Variants in PDYN observed in about 807,000 individuals in gnomAD.
PDYN encodes proenkephalin-B.
Under a neutral mutation model 11.4 loss-of-function variants are expected in PDYN, and 5 were observed. The observed-to-expected ratio is 0.44, with a 90% confidence interval of 0.23 to 0.92. PDYN has a LOEUF of 0.92. Ranked by LOEUF, PDYN falls within the 40% of genes least tolerant of loss-of-function variation. The pLI, the probability that PDYN is intolerant of heterozygous loss-of-function variation, is 0.24. For synonymous variants in PDYN, 132 were observed against 129.5 expected, an observed-to-expected ratio of 1.02 and a Z score of -0.13; for missense variants, 337 against 317.3, an observed-to-expected ratio of 1.06 and a Z score of -0.47.
intron 2 of PDYN, among the ~76,000 whole-genome samples, chr20:1,986,856 A>G (rs1479884028): frequency 6.6e-6 from 1 of 152,232 alleles, no homozygotes; most frequent in African/African-American, 2.4e-5. Flanking sequence ...TGACAGGAAC[A>G]TCTTTCTCAA....
In PDYN at chr20:1,978,994, AT is replaced by A. The variant is rs1171150012; in HGVS notation, c.*1328del. 1 of 152,198 alleles carries A rather than the reference AT, an allele frequency of 6.6e-6. No individual in the cohort carries two copies. The highest frequency in any genetic ancestry group is 1.5e-5 in the Non-Finnish European group (1 of 68,040). 9.4% of individuals were successfully genotyped at this position (152,198 alleles called of 1,614,324 possible). A position where few individuals can be genotyped will look rare whatever the true frequency, so the allele number is the denominator to read the frequency against. ...CCAGACTCAAGCCTTTTCCTCTCCTATCCAGCCTCATCTCCTGGACCCACAA... is the reference window on the plus strand; with the variant it reads ...CCAGACTCAAGCCTTTTCCTCTCCTACCAGCCTCATCTCCTGGACCCACAA... On this transcript the variant is annotated 3_prime_UTR_variant, in exon 4 of 4. Transcript: ENST00000217305.
rs185551108 is a variant in PDYN, at chr20:1,980,372, C to T, written c.716G>A (p.Arg239Gln). 228 of 1,614,074 alleles carry T rather than the reference C, an allele frequency of 1.4e-4. No homozygotes were observed. The Admixed American group carries it at 2.4e-3, about 17-fold the overall frequency. Residue 239 changes from arginine to glutamine, a missense_variant, in exon 4 of 4, where the codon CGG becomes CAG. Arg to Gln is a conservative substitution (Grantham distance 43). Coordinates refer to ENST00000217305, the MANE Select transcript of PDYN (RefSeq NM_024411.5). ...FLRRQFKVVTRSQEDPNAYSG... is the reference protein window; with the variant it reads ...FLRRQFKVVTQSQEDPNAYSG... ...GTAAGCATTCGGATCTTCCTGAGAC[C>T]GAGTCACCACCTTGAACTGGCGCCG...
At chr20:1,981,700 C>T (rs767271922) in intron 3 of PDYN, among the ~76,000 whole-genome samples, 6 of 152,078 alleles carry the variant, frequency 3.9e-5, no homozygotes, top group African/African-American at 1.4e-4. Context: ...CCAAAGCTGG[C>T]GGATCACTTG....
chr20:1,984,985 G>A (rs1037569530), intron 2 of PDYN, among the ~76,000 whole-genome samples: 40 of 152,082 alleles, frequency 2.6e-4, no homozygotes, highest in Admixed American at 5.2e-4. Flanking sequence ...TTATGGGGGC[G>A]CAGTACAGTT....
chr20:1,982,399 T>C (rs1404893393), intron 3 of PDYN, among the ~76,000 whole-genome samples: 5 of 152,178 alleles, frequency 3.3e-5, no homozygotes, highest in African/African-American at 9.7e-5. Context: ...CTGTGTTCTG[T>C]CCCTATGCCC....
intron 2 of PDYN, among the ~76,000 whole-genome samples, chr20:1,984,239 GTATTTT>G (rs1247530563): frequency 6.6e-6 from 1 of 152,200 alleles, no homozygotes; most frequent in South Asian, 2.1e-4. Context: ...TCTGCCTGCA[GTATTTT>G]GACCTCAGAC....
intron 2 of PDYN, among the ~76,000 whole-genome samples, chr20:1,988,486 A>AGT: frequency 6.6e-6 from 1 of 152,188 alleles, no homozygotes; most frequent in South Asian, 2.1e-4. Context: ...CACATAAGAG[A>AGT]GAGCCCTGCC....
intron 2 of PDYN, among the ~76,000 whole-genome samples, chr20:1,988,850 C>T (rs1988308810): frequency 6.6e-6 from 1 of 152,190 alleles, no homozygotes; most frequent in Admixed American, 6.5e-5. Context: ...TGAGCCAATT[C>T]CTTACGTCAA....
intron 2 of PDYN, among the ~76,000 whole-genome samples, chr20:1,984,328 A>C (rs1446594021): frequency 6.6e-6 from 1 of 152,082 alleles, no homozygotes; most frequent in Non-Finnish European, 1.5e-5. Flanking sequence ...ACTGATCACT[A>C]TGTCTAATGA....
At chr20:1,986,706 A>C (rs1433985559) in intron 2 of PDYN, among the ~76,000 whole-genome samples, 1 of 152,238 alleles carries the variant, frequency 6.6e-6, no homozygotes, top group African/African-American at 2.4e-5. Context: ...AGTCTGTCCA[A>C]GCTATCCCAG....
intron 2 of PDYN, among the ~76,000 whole-genome samples, chr20:1,989,051 G>A (rs2235750): frequency 0.02 from 2,997 of 152,314 alleles, 159 homozygotes; most frequent in East Asian, 0.19. Context: ...GTCCTTTACA[G>A]ACAAGGTTTG....
intron 2 of PDYN, among the ~76,000 whole-genome samples, chr20:1,985,580 A>C (rs1988133488): frequency 1.3e-5 from 2 of 152,156 alleles, no homozygotes; most frequent in Non-Finnish European, 2.9e-5. Context: ...GGTGGGTATC[A>C]CTAGCCCCAC....
chr20:1,992,191 A>T (rs1206513966), intron 2 of PDYN, among the ~76,000 whole-genome samples: 2 of 152,122 alleles, frequency 1.3e-5, no homozygotes, highest in African/African-American at 4.8e-5. Context: ...TCAGAGAGGG[A>T]CTTCTACTGT....
intron 3 of PDYN, 69 bp from the exon 4 acceptor site, chr20:1,981,027 C>G: frequency 6.3e-7 from 1 of 1,583,806 alleles, no homozygotes; most frequent in Non-Finnish European, 8.6e-7. Context: ...CCCCAGGCTC[C>G]CCTGTCCAGT....
At chr20:1,986,591 C>A (rs1057385439) in intron 2 of PDYN, among the ~76,000 whole-genome samples, 1 of 152,192 alleles carries the variant, frequency 6.6e-6, no homozygotes, top group Non-Finnish European at 1.5e-5. Flanking sequence ...GTGCTCAGAA[C>A]TCTGTGTGTC....
chr20:1,983,266 G>A (rs1319877212), intron 2 of PDYN, among the ~76,000 whole-genome samples, 163 bp from the exon 3 acceptor site: 1 of 152,180 alleles, frequency 6.6e-6, no homozygotes, highest in African/African-American at 2.4e-5. Context: ...GTAAAGCAGA[G>A]GCCCAAAGCC....
intron 1 of PDYN, among the ~76,000 whole-genome samples, chr20:1,993,501 C>G (rs1368447558): frequency 2.0e-5 from 3 of 152,240 alleles, no homozygotes; most frequent in African/African-American, 7.2e-5. Context: ...CCATTGTTCT[C>G]TAAGTCCAGT....
intron 2 of PDYN, among the ~76,000 whole-genome samples, chr20:1,987,988 C>T (rs1988264309): frequency 6.6e-6 from 1 of 152,132 alleles, no homozygotes; most frequent in South Asian, 2.1e-4. Flanking sequence ...ACTGCAGAAA[C>T]AAAAAATGCT....
At chr20:1,982,892 C>A in intron 3 of PDYN, 64 bp downstream of exon 3, 2 of 1,580,816 alleles carry the variant, frequency 1.3e-6, no homozygotes, top group South Asian at 2.2e-5. Context: ...GCAACCTCCC[C>A]TCTCTGGGCT....
Sources: allele counts gnomAD v4.1 joint callset (sites outside exome capture counted in the v4.1 genomes callset), GRCh38; gene constraint gnomAD v4.1.1; transcripts MANE v1.5; gene names NCBI Gene and HGNC (gene_info 2026-07-23, HGNC 2026-07-21).